ADGRL4: variants seen among roughly 807,000 people sequenced by gnomAD.
ADGRL4 encodes EGF, latrophilin and seven transmembrane domain containing 1.
A neutral mutation model predicts 74.8 loss-of-function variants in ADGRL4; 90 were observed. The ratio of observed to expected loss-of-function variants is 1.20; its 90% confidence interval spans 1.02 to 1.43. ADGRL4 has a LOEUF of 1.43. Ranked by LOEUF, ADGRL4 falls within the 40% of genes most tolerant of loss-of-function variation. The pLI, the probability that ADGRL4 is intolerant of heterozygous loss-of-function variation, is 0.00. For missense variants in ADGRL4, 881 were observed against 814.3 expected (o/e 1.08, Z -1.00); for synonymous variants, 311 against 279.2 (o/e 1.11, Z -1.14).
intron 2 of ADGRL4, among the ~76,000 whole-genome samples, chr1:78,975,380 C>T (rs1209304332): frequency 3.3e-5 from 5 of 152,090 alleles, no homozygotes; most frequent in South Asian, 2.1e-4. Flanking sequence ...AATTATGATG[C>T]CATATGTCAC....
intron 2 of ADGRL4, among the ~76,000 whole-genome samples, chr1:79,002,020 C>T (rs1329296244): frequency 6.6e-6 from 1 of 151,962 alleles, no homozygotes; most frequent in Non-Finnish European, 1.5e-5. Flanking sequence ...GGATTTGTTT[C>T]AGTAACATAT....
intron 3 of ADGRL4, 109 bp from the exon 4 acceptor site, chr1:78,939,367 A>T (rs1649428167): frequency 1.8e-6 from 2 of 1,084,916 alleles, no homozygotes; most frequent in East Asian, 3.4e-5. Flanking sequence ...TTAAAAAGAC[A>T]TTCTCTAACA....
chr1:78,896,476 C>T (rs1391678964), intron 12 of ADGRL4, among the ~76,000 whole-genome samples: 1 of 151,948 alleles, frequency 6.6e-6, no homozygotes, highest in Non-Finnish European at 1.5e-5. Context: ...CTGCAATCTT[C>T]CCCATCTCAA....
chr1:78,904,412 T>A (rs905038845), intron 12 of ADGRL4, among the ~76,000 whole-genome samples: 54 of 152,224 alleles, frequency 3.5e-4, no homozygotes, highest in African/African-American at 1.2e-3. Flanking sequence ...TTGATCTATT[T>A]TAAATATTGT....
chr1:78,914,212 C>A (rs1472613871), intron 12 of ADGRL4, among the ~76,000 whole-genome samples: 1 of 151,870 alleles, frequency 6.6e-6, no homozygotes, highest in African/African-American at 2.4e-5. Context: ...AGGTCCTCCA[C>A]CTCAATGAAG....
intron 7 of ADGRL4, among the ~76,000 whole-genome samples, chr1:78,928,391 C>T (rs1479277814): frequency 6.6e-6 from 1 of 151,340 alleles, no homozygotes; most frequent in Non-Finnish European, 1.5e-5. Context: ...TAATTTGAGG[C>T]TTGATCTAGC....
intron 6 of ADGRL4, 96 bp downstream of exon 6, chr1:78,937,711 C>G: frequency 9.8e-7 from 1 of 1,025,572 alleles, no homozygotes; most frequent in Non-Finnish European, 1.5e-6. Flanking sequence ...GTAATCAATA[C>G]TAGTTTCAAC....
chr1:78,934,052 T>C (rs113999956), intron 7 of ADGRL4, among the ~76,000 whole-genome samples: 5,903 of 152,200 alleles, frequency 0.039, 154 homozygotes, highest in Middle Eastern at 0.058. Context: ...ATTGACTATT[T>C]CACAGAATTA....
At chr1:78,973,680 G>A (rs975519519) in intron 2 of ADGRL4, among the ~76,000 whole-genome samples, 1 of 148,106 alleles carries the variant, frequency 6.8e-6, no homozygotes, top group South Asian at 2.1e-4. Context: ...GTTAGCCTGA[G>A]CATACAAGAT....
chr1:78,937,653 G>C (rs113625225), intron 6 of ADGRL4, among the ~76,000 whole-genome samples, 154 bp downstream of exon 6: 2,396 of 152,260 alleles, frequency 0.016, 27 homozygotes, highest in Middle Eastern at 0.027. Flanking sequence ...CAATGCTTTT[G>C]CAATATGCAT....
At chr1:78,923,987 T>C (rs1414708247) in intron 8 of ADGRL4, among the ~76,000 whole-genome samples, 1 of 151,620 alleles carries the variant, frequency 6.6e-6, no homozygotes, top group Non-Finnish European at 1.5e-5. Context: ...AAATGTTTAC[T>C]GCAATTAATG....
chr1:79,004,308 T>C (rs1325362442), intron 2 of ADGRL4, among the ~76,000 whole-genome samples: 3 of 152,160 alleles, frequency 2.0e-5, no homozygotes, highest in African/African-American at 7.2e-5. Context: ...CGTTGGTCTA[T>C]GGATCCAGTT....
At chr1:78,939,126 G>A (rs1052458356) in intron 4 of ADGRL4, 62 bp downstream of exon 4, 5 of 1,463,626 alleles carry the variant, frequency 3.4e-6, no homozygotes, top group Non-Finnish European at 9.1e-7. Flanking sequence ...GTGTGACATT[G>A]AAAGCATTTT....
chr1:78,940,946 T>C (rs1649463187), intron 3 of ADGRL4, among the ~76,000 whole-genome samples: 1 of 152,180 alleles, frequency 6.6e-6, no homozygotes, highest in African/African-American at 2.4e-5. Context: ...GTGATGGTAC[T>C]AGATTTAAGA....
intron 1 of ADGRL4, among the ~76,000 whole-genome samples, chr1:79,005,938 A>T (rs116215139): frequency 5.9e-5 from 9 of 152,324 alleles, no homozygotes; most frequent in African/African-American, 2.2e-4. Flanking sequence ...ACAAAAAAAA[A>T]TGAAACAAAA....
chr1:78,962,987 T>C (rs1003997554), intron 2 of ADGRL4, among the ~76,000 whole-genome samples: 2 of 152,190 alleles, frequency 1.3e-5, no homozygotes, highest in African/African-American at 4.8e-5. Context: ...TCATATTTTA[T>C]TATAAGCTGA....
At chr1:78,913,872 G>A (rs889110470) in intron 12 of ADGRL4, among the ~76,000 whole-genome samples, 2 of 151,856 alleles carry the variant, frequency 1.3e-5, no homozygotes, top group African/African-American at 2.4e-5. Flanking sequence ...GGATAGCAAG[G>A]CCCCGACTAT....
intron 2 of ADGRL4, among the ~76,000 whole-genome samples, chr1:78,965,486 T>A (rs972107145): frequency 3.3e-5 from 5 of 151,926 alleles, no homozygotes; most frequent in Non-Finnish European, 5.9e-5. Flanking sequence ...AAAGAAAAAA[T>A]TTTTCCTATT....
intron 2 of ADGRL4, among the ~76,000 whole-genome samples, chr1:78,958,106 C>T (rs1649871669): frequency 6.6e-6 from 1 of 151,818 alleles, no homozygotes; most frequent in South Asian, 2.1e-4. Flanking sequence ...AACAGTGGGC[C>T]TACTTCTCAG....
Sources: allele counts gnomAD v4.1 joint callset (sites outside exome capture counted in the v4.1 genomes callset), GRCh38; gene constraint gnomAD v4.1.1; transcripts MANE v1.5; gene names NCBI Gene and HGNC (gene_info 2026-07-23, HGNC 2026-07-21).